Variants in TBC1D4 observed in about 807,000 individuals in gnomAD.
The protein encoded by TBC1D4 is TBC (Tre-2, BUB2, CDC16) domain-containing protein.
Under a neutral mutation model 142.5 loss-of-function variants are expected in TBC1D4, and 121 were observed. The ratio of observed to expected loss-of-function variants is 0.85; its 90% CI spans 0.73 to 0.99. The LOEUF (loss-of-function observed/expected upper bound fraction) is 0.99, where lower values mean the gene tolerates loss of function less well. Among genes scored for constraint, TBC1D4 ranks in the 50% least tolerant of loss-of-function variants. The probability of loss-of-function intolerance (pLI) is 0.00; values close to 1 mark genes in which losing one functional copy is unlikely to be tolerated. For missense variants in TBC1D4, 1,475 were observed against 1,606.6 expected (o/e 0.92, Z 1.40); for synonymous variants, 630 against 628.2 (o/e 1.00, Z -0.04).
At chr13:75,448,267 T>C (rs1056331720) in intron 1 of TBC1D4, among the ~76,000 whole-genome samples, 5 of 152,174 alleles carry the variant, frequency 3.3e-5, no homozygotes, top group Admixed American at 1.3e-4. Flanking sequence ...TTGGATGCAG[T>C]GTTTTTACAT....
chr13:75,422,476 TA>T (rs1344788269), intron 1 of TBC1D4, among the ~76,000 whole-genome samples: 1 of 152,230 alleles, frequency 6.6e-6, no homozygotes, highest in Non-Finnish European at 1.5e-5. Flanking sequence ...AATGGAAAAT[TA>T]ATTTTGAGTC....
At chr13:75,468,031 C>CA (rs1326305172) in intron 1 of TBC1D4, among the ~76,000 whole-genome samples, 2 of 152,104 alleles carry the variant, frequency 1.3e-5, no homozygotes, top group Admixed American at 1.3e-4. Flanking sequence ...TTTTTGATTT[C>CA]AAAAAGCATT....
At chr13:75,453,878 T>C (rs1887627357) in intron 1 of TBC1D4, among the ~76,000 whole-genome samples, 1 of 151,772 alleles carries the variant, frequency 6.6e-6, no homozygotes, top group South Asian at 2.1e-4. Flanking sequence ...AAAAAAAAAT[T>C]CTTATTTAAT....
intron 1 of TBC1D4, among the ~76,000 whole-genome samples, chr13:75,462,077 A>G (rs1454608799): frequency 6.6e-6 from 1 of 152,218 alleles, no homozygotes; most frequent in African/African-American, 2.4e-5. Context: ...TATGATTAAA[A>G]CACTGTGACA....
At chr13:75,381,755 C>T (rs938058599) in intron 1 of TBC1D4, among the ~76,000 whole-genome samples, 2 of 152,192 alleles carry the variant, frequency 1.3e-5, no homozygotes, top group African/African-American at 4.8e-5. Flanking sequence ...GTATGCTAGG[C>T]GCTAAGCATG....
intron 1 of TBC1D4, among the ~76,000 whole-genome samples, chr13:75,402,406 T>C (rs146882719): frequency 1.7e-4 from 26 of 152,050 alleles, no homozygotes; most frequent in African/African-American, 6.3e-4. Flanking sequence ...AAGGACTGAA[T>C]AGAACATTTC....
chr13:75,312,941 A>C (rs768879753), intron 12 of TBC1D4, 43 bp from the exon 13 acceptor site: 6 of 1,608,146 alleles, frequency 3.7e-6, no homozygotes, highest in Middle Eastern at 3.6e-4. Flanking sequence ...GGAGAGCTGC[A>C]CATCATGGCA....
chr13:75,367,411 T>C (rs144553814), intron 1 of TBC1D4, among the ~76,000 whole-genome samples: 1 of 152,136 alleles, frequency 6.6e-6, no homozygotes, highest in African/African-American at 2.4e-5. Context: ...CTAAAACATA[T>C]TTAAACAAAA....
At chr13:75,351,035 G>C (rs1881545843) in intron 4 of TBC1D4, among the ~76,000 whole-genome samples, 1 of 152,134 alleles carries the variant, frequency 6.6e-6, no homozygotes, top group Admixed American at 6.6e-5. Context: ...TATAGGTCAT[G>C]TCAAAAGGTT....
At chr13:75,371,956 TTA>T (rs1251615308) in intron 1 of TBC1D4, among the ~76,000 whole-genome samples, 1 of 152,218 alleles carries the variant, frequency 6.6e-6, no homozygotes, top group Non-Finnish European at 1.5e-5. Context: ...AAAAATAACC[TTA>T]TGTTTCTTTC....
intron 17 of TBC1D4, among the ~76,000 whole-genome samples, chr13:75,297,607 T>A (rs900215499): frequency 1.3e-5 from 2 of 151,570 alleles, no homozygotes; most frequent in East Asian, 3.9e-4. Context: ...ATACAAAAAA[T>A]TTAGCAGGGT....
chr13:75,427,678 A>C (rs1886434800), intron 1 of TBC1D4, among the ~76,000 whole-genome samples: 1 of 152,144 alleles, frequency 6.6e-6, no homozygotes, highest in Admixed American at 6.5e-5. Flanking sequence ...CTCACGCTCG[A>C]ATTATTCATA....
chr13:75,361,042 G>C (rs1882459696), intron 2 of TBC1D4, among the ~76,000 whole-genome samples: 1 of 152,186 alleles, frequency 6.6e-6, no homozygotes, highest in Non-Finnish European at 1.5e-5. Flanking sequence ...GAGAATTAAA[G>C]ACTCTCTACA....
At chr13:75,446,209 G>C (rs981575457) in intron 1 of TBC1D4, among the ~76,000 whole-genome samples, 1 of 152,184 alleles carries the variant, frequency 6.6e-6, no homozygotes, top group Admixed American at 6.5e-5. Flanking sequence ...TATGCTATTT[G>C]CTGGAATTAT....
At chr13:75,416,310 T>C (rs1350106322) in intron 1 of TBC1D4, among the ~76,000 whole-genome samples, 1 of 152,224 alleles carries the variant, frequency 6.6e-6, no homozygotes, top group Admixed American at 6.5e-5. Flanking sequence ...AAATTACTAC[T>C]CTGAAATTAA....
intron 18 of TBC1D4, 62 bp from the exon 19 acceptor site, chr13:75,292,333 C>T: frequency 1.4e-6 from 2 of 1,381,958 alleles, no homozygotes; most frequent in Non-Finnish European, 2.0e-6. Flanking sequence ...AAAAAGCACG[C>T]TATTTGTGCT....
chr13:75,288,909 T>C (rs758933239), intron 20 of TBC1D4, 25 bp downstream of exon 20: 106 of 1,612,250 alleles, frequency 6.6e-5, no homozygotes, highest in Non-Finnish European at 8.7e-5. Context: ...GAAGTACTTA[T>C]TTGCTCAAAT....
chr13:75,355,547 G>A (rs527488072), intron 4 of TBC1D4, among the ~76,000 whole-genome samples: 10 of 152,250 alleles, frequency 6.6e-5, no homozygotes, highest in East Asian at 1.9e-4. Flanking sequence ...ACAGCTCTAC[G>A]AATCTCTCCT....
intron 1 of TBC1D4, among the ~76,000 whole-genome samples, chr13:75,403,327 T>C (rs1248928977): frequency 6.6e-6 from 1 of 152,234 alleles, no homozygotes; most frequent in African/African-American, 2.4e-5. Context: ...AGCAACAAAA[T>C]CACTTGCTAA....
Sources: allele counts gnomAD v4.1 joint callset (sites outside exome capture counted in the v4.1 genomes callset), GRCh38; gene constraint gnomAD v4.1.1; transcripts MANE v1.5; gene names NCBI Gene and HGNC (gene_info 2026-07-23, HGNC 2026-07-21).